CTNNA2: variants seen among roughly 807,000 people sequenced by gnomAD.
CTNNA2 encodes catenin alpha 2.
In CTNNA2, 42 loss-of-function variants were observed where a neutral mutation model predicts 101.0. The ratio of observed to expected loss-of-function variants is 0.42; its 90% CI spans 0.32 to 0.54. The LOEUF (loss-of-function observed/expected upper bound fraction) is 0.54. CTNNA2 is among the 20% of genes least tolerant of loss of function. The pLI, the probability that CTNNA2 is intolerant of heterozygous loss-of-function variation, is 0.14. For synonymous variants in CTNNA2, 450 were observed against 456.4 expected (o/e 0.99, Z 0.18); for missense variants, 871 against 1,223.1 (o/e 0.71, Z 4.29).
At chr2:79,741,842 T>C (rs1006821872) in intron 2 of CTNNA2, among the ~76,000 whole-genome samples, 1 of 152,210 alleles carries the variant, frequency 6.6e-6, no homozygotes, top group Admixed American at 6.5e-5. Context: ...ATTTTTCTTA[T>C]CTAATTTAAT....
At chr2:79,419,875 A>G (rs922112728) in intron 4 of CTNNA2, among the ~76,000 whole-genome samples, 58 of 152,312 alleles carry the variant, frequency 3.8e-4, no homozygotes, top group African/African-American at 1.3e-3. Flanking sequence ...TCAATTTTGA[A>G]TAACTTTTTC....
chr2:79,879,885 T>G (rs1213551383), intron 6 of CTNNA2, among the ~76,000 whole-genome samples: 2 of 152,100 alleles, frequency 1.3e-5, no homozygotes, highest in African/African-American at 4.8e-5. Context: ...GAGGGCAGTT[T>G]TGTTATGTAT....
intron 4 of CTNNA2, among the ~76,000 whole-genome samples, chr2:79,441,358 T>G (rs996164451): frequency 1.3e-5 from 2 of 152,196 alleles, no homozygotes; most frequent in Non-Finnish European, 2.9e-5. Flanking sequence ...TTTTTATGGT[T>G]TCATGCAGTA....
intron 3 of CTNNA2, among the ~76,000 whole-genome samples, chr2:79,838,095 T>C (rs145697833): frequency 1.8e-4 from 27 of 152,292 alleles, no homozygotes; most frequent in Non-Finnish European, 3.2e-4. Flanking sequence ...AATAGAATTA[T>C]ACTATACTCA....
chr2:80,370,204 A>G (rs1244493917), intron 7 of CTNNA2, among the ~76,000 whole-genome samples: 1 of 152,004 alleles, frequency 6.6e-6, no homozygotes, highest in Non-Finnish European at 1.5e-5. Flanking sequence ...CAGTGCAGCC[A>G]TTGTATCCTA....
intron 18 of CTNNA2, among the ~76,000 whole-genome samples, chr2:80,636,697 A>G (rs777557639): frequency 6.6e-6 from 1 of 152,124 alleles, no homozygotes. Context: ...AATATTTTAT[A>G]TAGACTATTT....
chr2:80,010,860 T>A (rs1205216485), intron 7 of CTNNA2, among the ~76,000 whole-genome samples: 1 of 152,154 alleles, frequency 6.6e-6, no homozygotes, highest in African/African-American at 2.4e-5. Context: ...TTTTCCAGAA[T>A]CTTTGCTCTT....
intron 7 of CTNNA2, among the ~76,000 whole-genome samples, chr2:79,989,013 T>C (rs1220910593): frequency 6.6e-6 from 1 of 152,232 alleles, no homozygotes; most frequent in Non-Finnish European, 1.5e-5. Context: ...GGTTAATGTC[T>C]GATGGATTGA....
intron 14 of CTNNA2, among the ~76,000 whole-genome samples, chr2:80,587,524 A>C (rs143937181): frequency 7.9e-5 from 12 of 152,170 alleles, no homozygotes; most frequent in Non-Finnish European, 2.9e-5. Flanking sequence ...CCCATATTCT[A>C]TCTGAAGAGA....
At chr2:80,082,985 TA>T (rs1258445455) in intron 7 of CTNNA2, among the ~76,000 whole-genome samples, 3 of 152,114 alleles carry the variant, frequency 2.0e-5, no homozygotes, top group South Asian at 4.2e-4. Context: ...CCCTATCTTA[TA>T]AAAAAGCAGG....
At chr2:80,423,196 C>A (rs1037455355) in intron 9 of CTNNA2, among the ~76,000 whole-genome samples, 16 of 151,790 alleles carry the variant, frequency 1.1e-4, no homozygotes, top group East Asian at 3.9e-4. Flanking sequence ...CTTTATAGTT[C>A]TTTTTGGTTT....
rs535681530 is a variant in CTNNA2 at position 79,490,311 on chromosome 2, A to G, written c.-134-14743A>G. Among the ~76,000 whole-genome samples the G allele has an allele frequency of 2.6e-5, 4 of 152,166 alleles. No homozygotes were observed. In the South Asian group the frequency reaches 8.3e-4, roughly 32 times the overall value. ...GTCTGTCTTTGCTGTGGATAATTCC[A>G]TTTCTGAGGTGGGTTTTCAATTTGC... On this transcript the variant is annotated intron_variant, in intron 4 of 21. Coordinates refer to the CTNNA2 transcript ENST00000466387.
At chr2:80,549,899 T>G (rs1356142631) in intron 11 of CTNNA2, among the ~76,000 whole-genome samples, 1 of 152,216 alleles carries the variant, frequency 6.6e-6, no homozygotes, top group Admixed American at 6.5e-5. Context: ...TATACTAGAT[T>G]AGCGTGCTTA....
At chr2:80,224,342 C>T (rs1460223467) in intron 7 of CTNNA2, among the ~76,000 whole-genome samples, 2 of 152,156 alleles carry the variant, frequency 1.3e-5, no homozygotes, top group South Asian at 2.1e-4. Context: ...GTCTTAGAGT[C>T]GGGAATGACA....
intron 7 of CTNNA2, among the ~76,000 whole-genome samples, chr2:80,130,461 ATG>A: frequency 6.6e-6 from 1 of 152,298 alleles, no homozygotes; most frequent in African/African-American, 2.4e-5. Context: ...AGTTGGGAGT[ATG>A]TCTCCCACTC....
intron 7 of CTNNA2, among the ~76,000 whole-genome samples, chr2:80,048,551 T>C (rs1696674814): frequency 6.6e-6 from 1 of 152,184 alleles, no homozygotes; most frequent in South Asian, 2.1e-4. Flanking sequence ...TTCAGTTCAA[T>C]GAATGTATTG....
At chr2:79,673,396 C>T (rs1268080464) in intron 2 of CTNNA2, among the ~76,000 whole-genome samples, 1 of 151,830 alleles carries the variant, frequency 6.6e-6, no homozygotes, top group Non-Finnish European at 1.5e-5. Context: ...CTTGAATTTC[C>T]ATATATTGGG....
intron 18 of CTNNA2, among the ~76,000 whole-genome samples, chr2:80,631,457 ACT>A (rs796271575): frequency 6.6e-5 from 10 of 151,528 alleles, no homozygotes; most frequent in African/African-American, 2.4e-4. Flanking sequence ...TTCTTGTATA[ACT>A]CAGCCTCGTT....
chr2:80,431,668 T>C (rs1321779713), intron 9 of CTNNA2, among the ~76,000 whole-genome samples: 2 of 152,176 alleles, frequency 1.3e-5, no homozygotes. Flanking sequence ...ATCGGCAATA[T>C]GGAACCCATC....
Sources: gnomAD v4.1 joint callset for allele counts (sites outside exome capture counted in the v4.1 genomes callset) on GRCh38, gnomAD v4.1.1 for gene constraint, MANE v1.5 for transcripts, NCBI Gene and HGNC (gene_info 2026-07-23, HGNC 2026-07-21) for gene names.